Variants in SYT9 observed in about 807,000 individuals in gnomAD.
SYT9 encodes the protein synaptotagmin 9, also known as synaptotagmin-9.
A neutral mutation model predicts 48.4 loss-of-function variants in SYT9; 22 were observed. The ratio of observed to expected loss-of-function variants is 0.45; its 90% CI spans 0.32 to 0.65. The LOEUF (loss-of-function observed/expected upper bound fraction) is 0.65. Ranked by LOEUF, SYT9 falls within the 30% of genes least tolerant of loss-of-function variation. The pLI, the probability that SYT9 is intolerant of heterozygous loss-of-function variation, is 0.03. For missense variants in SYT9, 577 were observed against 622.0 expected, an observed-to-expected ratio of 0.93 and a Z score of 0.77; for synonymous variants, 265 against 245.0, an observed-to-expected ratio of 1.08 and a Z score of -0.76.
chr11:7,459,140 C>T (rs186093130), intron 6 of SYT9, among the ~76,000 whole-genome samples: 3 of 152,240 alleles, frequency 2.0e-5, no homozygotes, highest in African/African-American at 4.8e-5. Context: ...CAAGGTTGAC[C>T]GTGGAAAGAT....
chr11:7,293,207 T>C (rs1456695377), intron 1 of SYT9, among the ~76,000 whole-genome samples: 2 of 152,204 alleles, frequency 1.3e-5, no homozygotes, highest in Non-Finnish European at 1.5e-5. Context: ...TGGGCAGCCT[T>C]CTGAGGAAGG....
In SYT9 at chr11:7,425,710, C is replaced by T. The variant is rs577279806; in HGVS notation, c.1467+5075C>T. Among the ~76,000 whole-genome samples the T allele has an allele frequency of 2.6e-5, 4 of 152,178 alleles. 1 individual carries two copies. The South Asian group carries it at 6.2e-4, about 24-fold the overall frequency. On this transcript the variant is annotated intron_variant, in intron 6 of 6. Coordinates refer to ENST00000318881, the MANE Select transcript of SYT9 (RefSeq NM_175733.4). ...CCAAGGCTGCCAATTCCATGCATTG[C>T]CCTCTGAAGGAGTGGCTTATGGGCT...
At chr11:7,411,429 A>G (rs72846070) in intron 3 of SYT9, among the ~76,000 whole-genome samples, 26,919 of 152,084 alleles carry the variant, frequency 0.18, 3,125 homozygotes, top group African/African-American at 0.33. Context: ...GGGCCAGTCT[A>G]GTGGTGATAA....
intron 3 of SYT9, among the ~76,000 whole-genome samples, chr11:7,406,432 T>C (rs1463492624): frequency 6.6e-6 from 1 of 151,968 alleles, no homozygotes; most frequent in African/African-American, 2.4e-5. Flanking sequence ...TGTCTTTCTG[T>C]GCCTGACTTA....
At chr11:7,263,385 T>A (rs1353082264) in intron 1 of SYT9, among the ~76,000 whole-genome samples, 2 of 152,202 alleles carry the variant, frequency 1.3e-5, no homozygotes, top group Non-Finnish European at 2.9e-5. Context: ...GCTCTCATAG[T>A]CTAGTCACTT....
intron 6 of SYT9, among the ~76,000 whole-genome samples, chr11:7,430,529 A>C (rs144073683): frequency 6.6e-6 from 1 of 152,294 alleles, no homozygotes; most frequent in East Asian, 1.9e-4. Flanking sequence ...CATATTAGTA[A>C]AGTTTACTAA....
intron 1 of SYT9, among the ~76,000 whole-genome samples, chr11:7,286,405 G>T (rs988768159): frequency 6.6e-6 from 1 of 152,196 alleles, no homozygotes; most frequent in Admixed American, 6.5e-5. Flanking sequence ...CACACAGCAG[G>T]GGGGGCCCAG....
At chr11:7,293,495 T>C (rs1848730713) in intron 1 of SYT9, among the ~76,000 whole-genome samples, 1 of 152,190 alleles carries the variant, frequency 6.6e-6, no homozygotes, top group South Asian at 2.1e-4. Context: ...GCTGCAAGAA[T>C]GAAAAGCAGG....
At chr11:7,281,547 A>C (rs183182541) in intron 1 of SYT9, among the ~76,000 whole-genome samples, 2 of 152,214 alleles carry the variant, frequency 1.3e-5, no homozygotes, top group Non-Finnish European at 2.9e-5. Flanking sequence ...TTCAGTTTGC[A>C]ATTAAAATTC....
intron 1 of SYT9, among the ~76,000 whole-genome samples, chr11:7,283,032 C>T (rs1287333695): frequency 6.6e-6 from 1 of 151,276 alleles, no homozygotes; most frequent in Non-Finnish European, 1.5e-5. Flanking sequence ...CTCCCAGAGG[C>T]AACCATTTTT....
intron 1 of SYT9, among the ~76,000 whole-genome samples, chr11:7,239,694 T>C (rs971856309): frequency 3.3e-5 from 5 of 152,044 alleles, no homozygotes; most frequent in African/African-American, 1.2e-4. Flanking sequence ...TGGTTCGTAT[T>C]AGGGTAATGG....
chr11:7,345,129 C>T (rs1413633189), intron 3 of SYT9, among the ~76,000 whole-genome samples: 1 of 152,178 alleles, frequency 6.6e-6, no homozygotes. Context: ...ACAGGTCTCT[C>T]GAGCTCTCTC....
At chr11:7,319,166 C>CTTTTCTTCT (rs1554905565) in intron 3 of SYT9, among the ~76,000 whole-genome samples, 1 of 127,958 alleles carries the variant, frequency 7.8e-6, no homozygotes, top group Non-Finnish European at 1.6e-5. Context: ...CCTATTTCTT[C>CTTTTCTTCT]TTTTTTTTTT....
chr11:7,290,456 A>C (rs540197084), intron 1 of SYT9, among the ~76,000 whole-genome samples: 1 of 152,148 alleles, frequency 6.6e-6, no homozygotes, highest in South Asian at 2.1e-4. Context: ...TCCTTCTACT[A>C]TACTGCTCTG....
In SYT9 at chr11:7,447,608, G is replaced by A. The variant is rs61227668; in HGVS notation, c.1468-19184G>A. Among the ~76,000 whole-genome samples, 935 of 152,102 alleles carry A rather than the reference G, an allele frequency of 6.1e-3. 12 individuals are homozygous for A. The highest frequency in any genetic ancestry group is 0.022 in the African/African-American group (894 of 41,478). On this transcript the variant is annotated intron_variant, in intron 6 of 6. Transcript: ENST00000318881. ...CAATCCTATTTTGTAATTTTGTGTTGGTTTTACTGAATCAACTATGAGTTC... is the reference window on the plus strand; with the variant it reads ...CAATCCTATTTTGTAATTTTGTGTTAGTTTTACTGAATCAACTATGAGTTC...
chr11:7,323,804 G>A (rs923609711), intron 3 of SYT9, among the ~76,000 whole-genome samples: 2 of 151,952 alleles, frequency 1.3e-5, no homozygotes, highest in African/African-American at 4.8e-5. Flanking sequence ...ATGTGTGTGT[G>A]TATGCGTGTG....
intron 3 of SYT9, among the ~76,000 whole-genome samples, chr11:7,343,144 T>C (rs1849742933): frequency 6.6e-6 from 1 of 152,220 alleles, no homozygotes; most frequent in Admixed American, 6.5e-5. Flanking sequence ...GTCTCTGACA[T>C]GTCCTGGAGA....
chr11:7,283,168 C>T (rs953099742), intron 1 of SYT9, among the ~76,000 whole-genome samples: 11 of 149,860 alleles, frequency 7.3e-5, no homozygotes, highest in East Asian at 3.9e-4. Context: ...TATATATACA[C>T]ACACACACAC....
At chr11:7,466,129 C>T (rs1848329919) in intron 6 of SYT9, among the ~76,000 whole-genome samples, 1 of 152,214 alleles carries the variant, frequency 6.6e-6, no homozygotes. Flanking sequence ...TTATTGCATT[C>T]TGCCTTTGCA....
Sources: gnomAD v4.1 joint callset for allele counts (sites outside exome capture counted in the v4.1 genomes callset) on GRCh38, gnomAD v4.1.1 for gene constraint, MANE v1.5 for transcripts, NCBI Gene and HGNC (gene_info 2026-07-23, HGNC 2026-07-21) for gene names.